HCN1: variants seen among roughly 807,000 people sequenced by gnomAD.
HCN1 encodes hyperpolarization activated cyclic nucleotide gated potassium channel 1.
A neutral mutation model predicts 78.9 loss-of-function variants in HCN1; 13 were observed. The ratio of observed to expected loss-of-function variants is 0.16; its 90% CI spans 0.11 to 0.26. The LOEUF (loss-of-function observed/expected upper bound fraction) is 0.26. HCN1 is among the 10% of genes least tolerant of loss of function. The pLI is 1.00. For missense variants in HCN1, 810 were observed against 1,154.3 expected (o/e 0.70, Z 4.32); for synonymous variants, 552 against 455.5 (o/e 1.21, Z -2.70).
At chr5:45,611,565 C>T (rs991435231) in intron 2 of HCN1, among the ~76,000 whole-genome samples, 8 of 152,000 alleles carry the variant, frequency 5.3e-5, no homozygotes, top group African/African-American at 9.7e-5. Flanking sequence ...AGCCACGGTG[C>T]CTGGCCCCTA....
chr5:45,382,653 A>G, intron 4 of HCN1, among the ~76,000 whole-genome samples: 1 of 152,160 alleles, frequency 6.6e-6, no homozygotes, highest in Admixed American at 6.6e-5. Context: ...AATTTTGGAA[A>G]TACTTTGGTG....
At chr5:45,475,607 CA>C (rs1439428469) in intron 2 of HCN1, among the ~76,000 whole-genome samples, 3 of 152,092 alleles carry the variant, frequency 2.0e-5, no homozygotes, top group African/African-American at 7.2e-5. Flanking sequence ...TGGAGGCGTC[CA>C]AAAGGTTACT....
intron 2 of HCN1, among the ~76,000 whole-genome samples, chr5:45,496,541 G>A (rs566564707): frequency 6.6e-5 from 10 of 152,166 alleles, no homozygotes; most frequent in Middle Eastern, 3.4e-3. Flanking sequence ...CTGTGGGATC[G>A]GTGGTGATAT....
At chr5:45,613,906 A>T (rs1478947398) in intron 2 of HCN1, among the ~76,000 whole-genome samples, 1 of 152,212 alleles carries the variant, frequency 6.6e-6, no homozygotes, top group Non-Finnish European at 1.5e-5. Context: ...ATTGCAGATA[A>T]TCCGCAGTCT....
intron 5 of HCN1, among the ~76,000 whole-genome samples, chr5:45,336,580 G>C (rs1376693023): frequency 6.6e-6 from 1 of 152,064 alleles, no homozygotes; most frequent in Non-Finnish European, 1.5e-5. Context: ...AGGGGAACTT[G>C]AACAATTGTT....
chr5:45,609,310 T>C (rs935104676), intron 2 of HCN1, among the ~76,000 whole-genome samples: 4 of 152,070 alleles, frequency 2.6e-5, no homozygotes, highest in African/African-American at 7.2e-5. Flanking sequence ...TCTGGGGTAA[T>C]ATAAATGCCC....
Position 45,255,044 on chromosome 5 carries a change from T to C in HCN1, c.*6877A>G, listed in dbSNP as rs1410598167. 2 of 152,206 alleles carry C rather than the reference T, an allele frequency of 1.3e-5. No individual in the cohort carries two copies. Among genetic ancestry groups the C allele is most frequent in the African/African-American group, 4.8e-5 (2 of 41,446 alleles). The allele number at this position is 152,206 out of a possible 1,614,324, so 9.4% of individuals were successfully genotyped here. A position where few individuals can be genotyped will look rare whatever the true frequency, so the allele number is the denominator to read the frequency against. ...ATGGACACATTGTACTGATGTGATA[T>C]TAAGAAACATTGCTAGCTATGGCAC... On this transcript the variant is annotated 3_prime_UTR_variant, in exon 8 of 8. Transcript: ENST00000303230.
At chr5:45,297,749 C>G (rs945039645) in intron 6 of HCN1, among the ~76,000 whole-genome samples, 9 of 151,976 alleles carry the variant, frequency 5.9e-5, no homozygotes, top group Non-Finnish European at 1.5e-5. Flanking sequence ...TACATTTTCA[C>G]ATTTTGATGC....
intron 3 of HCN1, among the ~76,000 whole-genome samples, chr5:45,421,837 C>T (rs1740234909): frequency 6.6e-6 from 1 of 152,136 alleles, no homozygotes; most frequent in East Asian, 1.9e-4. Flanking sequence ...TGACTATGTC[C>T]TCATGTAGCA....
At chr5:45,691,605 C>A (rs919581819) in intron 1 of HCN1, among the ~76,000 whole-genome samples, 9 of 152,080 alleles carry the variant, frequency 5.9e-5, no homozygotes, top group African/African-American at 2.2e-4. Flanking sequence ...TTAATTTTGG[C>A]TATGTTGATA....
chr5:45,447,449 C>G (rs543720124), intron 3 of HCN1, among the ~76,000 whole-genome samples: 2 of 152,234 alleles, frequency 1.3e-5, no homozygotes, highest in East Asian at 3.9e-4. Context: ...TACTATATTG[C>G]CCAGCCTGGT....
chr5:45,595,330 G>C (rs1002964457), intron 2 of HCN1, among the ~76,000 whole-genome samples: 1 of 152,094 alleles, frequency 6.6e-6, no homozygotes, highest in African/African-American at 2.4e-5. Flanking sequence ...AGAATTTGAT[G>C]CTCAAACACC....
intron 2 of HCN1, among the ~76,000 whole-genome samples, chr5:45,526,707 C>T (rs1742743243): frequency 6.6e-6 from 1 of 151,980 alleles, no homozygotes; most frequent in Non-Finnish European, 1.5e-5. Flanking sequence ...TTTCCTTCTC[C>T]TGGGGCCTAG....
chr5:45,646,260 A>G (rs1289259268), intron 1 of HCN1, among the ~76,000 whole-genome samples: 1 of 151,968 alleles, frequency 6.6e-6, no homozygotes, highest in Non-Finnish European at 1.5e-5. Flanking sequence ...TCTACTCCAT[A>G]TTTGAAACTA....
At chr5:45,641,464 C>T (rs188768998) in intron 2 of HCN1, among the ~76,000 whole-genome samples, 3 of 152,160 alleles carry the variant, frequency 2.0e-5, no homozygotes, top group East Asian at 1.9e-4. Flanking sequence ...AGATCAAAAC[C>T]ACAGGCCCTC....
chr5:45,496,041 A>C (rs1742019682), intron 2 of HCN1, among the ~76,000 whole-genome samples: 1 of 152,136 alleles, frequency 6.6e-6, no homozygotes, highest in African/African-American at 2.4e-5. Flanking sequence ...ATGTTCATCA[A>C]GGATATTGGT....
intron 3 of HCN1, 112 bp from the exon 4 acceptor site, chr5:45,396,822 T>A: frequency 1.2e-6 from 1 of 802,144 alleles, no homozygotes; most frequent in Non-Finnish European, 2.2e-6. Context: ...GGAAAAATCC[T>A]TACAATGGAG....
At chr5:45,409,447 T>C (rs1307385230) in intron 3 of HCN1, among the ~76,000 whole-genome samples, 1 of 152,030 alleles carries the variant, frequency 6.6e-6, no homozygotes, top group African/African-American at 2.4e-5. Context: ...GCAGCTTACG[T>C]AGTAATTGGT....
intron 4 of HCN1, among the ~76,000 whole-genome samples, chr5:45,374,873 C>A: frequency 7.0e-6 from 1 of 143,518 alleles, no homozygotes; most frequent in Non-Finnish European, 1.5e-5. Flanking sequence ...ATTTTTGGTT[C>A]ATGGGTATAT....
Sources: allele counts gnomAD v4.1 joint callset (sites outside exome capture counted in the v4.1 genomes callset), GRCh38; gene constraint gnomAD v4.1.1; transcripts MANE v1.5; gene names NCBI Gene and HGNC (gene_info 2026-07-23, HGNC 2026-07-21).